RAD54B: variants seen among roughly 807,000 people sequenced by gnomAD.
The protein encoded by RAD54B is RAD54 homolog B, also known as DNA repair and recombination protein RAD54B.
RAD54B carries 78 observed loss-of-function variants against 95.8 expected under a neutral mutation model. That is an observed-to-expected ratio of 0.81 (90% confidence interval 0.68 to 0.98). The LOEUF is 0.98. Ranked by LOEUF, RAD54B falls within the 50% of genes least tolerant of loss-of-function variation. The pLI, the probability that RAD54B is intolerant of heterozygous loss-of-function variation, is 0.00. For missense variants in RAD54B, 957 were observed against 1,056.6 expected (o/e 0.91, Z 1.31); for synonymous variants, 328 against 354.9 (o/e 0.92, Z 0.85).
At chr8:94,465,076 A>G (rs1812992798) in intron 2 of RAD54B, among the ~76,000 whole-genome samples, 1 of 152,080 alleles carries the variant, frequency 6.6e-6, no homozygotes, top group African/African-American at 2.4e-5. Flanking sequence ...GTCACACTTC[A>G]ACATGAGATT....
At position 94,393,851 on chromosome 8, in the gene RAD54B, A is replaced by G; in HGVS notation, c.1410T>C (p.Phe470=). Residue 470 remains phenylalanine, a synonymous_variant, in exon 9 of 15, where the codon TTT becomes TTC. Transcript: ENST00000336148. ...GATTTACAAAATCAATTAATGCAAA[A>G]AATTCTTGCAGATCATTCTGAATTG... is the stretch of plus-strand genomic sequence containing the variant. ...GTPIQNDLQE[F]FALIDFVNPG... is the part of the protein sequence containing the mutation. The G allele has an allele frequency of 6.2e-7, 1 of 1,605,418 alleles. No homozygotes were observed. The highest frequency in any genetic ancestry group is 8.5e-7 in the Non-Finnish European group (1 of 1,174,506).
At chr8:94,390,372 C>T (rs180699200) in intron 10 of RAD54B, among the ~76,000 whole-genome samples, 252 of 150,772 alleles carry the variant, frequency 1.7e-3, no homozygotes, top group Admixed American at 2.8e-3. Flanking sequence ...TGGTGGCAGG[C>T]GCCTGTAATC....
At chr8:94,472,071 T>C (rs12682524) in intron 1 of RAD54B, among the ~76,000 whole-genome samples, 39,408 of 151,982 alleles carry the variant, frequency 0.26, 5,846 homozygotes, top group East Asian at 0.43. Flanking sequence ...AGCCTTTATA[T>C]AGTTTGAGGA....
intron 3 of RAD54B, among the ~76,000 whole-genome samples, chr8:94,421,949 A>G (rs1487703874): frequency 2.0e-5 from 3 of 152,232 alleles, no homozygotes; most frequent in Non-Finnish European, 2.9e-5. Context: ...CCTCTTGCTT[A>G]AAATCCATGA....
At chr8:94,461,309 A>G (rs1812898558) in intron 2 of RAD54B, among the ~76,000 whole-genome samples, 1 of 151,216 alleles carries the variant, frequency 6.6e-6, no homozygotes, top group Admixed American at 6.6e-5. Flanking sequence ...AGTAGCTGAG[A>G]TTACAGGCAT....
chr8:94,465,447 A>T (rs1233649498), intron 2 of RAD54B, among the ~76,000 whole-genome samples: 1 of 152,236 alleles, frequency 6.6e-6, no homozygotes, highest in Non-Finnish European at 1.5e-5. Flanking sequence ...AATCAGAACC[A>T]CAGTGAAATA....
intron 3 of RAD54B, chr8:94,436,383 CA>C: frequency 7.7e-7 from 1 of 1,306,462 alleles, no homozygotes; most frequent in African/African-American, 1.5e-5. Context: ...AGACACTATT[CA>C]TTGCTCCCGT....
intron 1 of RAD54B, among the ~76,000 whole-genome samples, chr8:94,468,195 C>G (rs1813076299): frequency 6.6e-6 from 1 of 152,144 alleles, no homozygotes; most frequent in Admixed American, 6.5e-5. Context: ...TGATTTATGA[C>G]TTTGCCTGTA....
chr8:94,374,129 A>C (rs1810508653), intron 14 of RAD54B, among the ~76,000 whole-genome samples: 1 of 152,168 alleles, frequency 6.6e-6, no homozygotes, highest in Non-Finnish European at 1.5e-5. Context: ...AACACAAAAA[A>C]TTAGCCAGAC....
At chr8:94,406,673 T>G (rs1469338112) in intron 5 of RAD54B, among the ~76,000 whole-genome samples, 1 of 152,184 alleles carries the variant, frequency 6.6e-6, no homozygotes. Context: ...TCCATAATAC[T>G]TGCAATGGGG....
chr8:94,454,786 G>A (rs991481831), intron 3 of RAD54B, among the ~76,000 whole-genome samples: 5 of 152,124 alleles, frequency 3.3e-5, no homozygotes, highest in South Asian at 2.1e-4. Context: ...TAGCACGAGC[G>A]TATACACTTT....
intron 5 of RAD54B, among the ~76,000 whole-genome samples, chr8:94,406,117 T>A (rs530562960): frequency 6.6e-6 from 1 of 151,854 alleles, no homozygotes; most frequent in South Asian, 2.1e-4. Context: ...TTTCATTCAC[T>A]CACTCAACAA....
At chr8:94,413,740 TA>T (rs1811583210) in intron 3 of RAD54B, among the ~76,000 whole-genome samples, 1 of 151,476 alleles carries the variant, frequency 6.6e-6, no homozygotes, top group African/African-American at 2.4e-5. Flanking sequence ...AAGATGCCAT[TA>T]AAAAAACAAA....
rs376357622 is a variant in RAD54B at position 94,458,314 on chromosome 8, A to G, written c.258T>C (p.Tyr86=). ...INNRDNCSGK[Y]CFEAPTLATL... is the part of the protein sequence containing the mutation. Reference sequence around the variant, plus strand: ...TTGCCAGTGTAGGTGCTTCAAAACAATATTTTCCACTGCAATTATCTCTGT... The same window carrying G: ...TTGCCAGTGTAGGTGCTTCAAAACAGTATTTTCCACTGCAATTATCTCTGT... The change falls in exon 3 of 15, where the codon TAT becomes TAC. Residue 86 remains tyrosine (Y), a synonymous_variant. Coordinates refer to ENST00000336148, the MANE Select transcript of RAD54B (RefSeq NM_012415.3). 1 of 1,609,952 alleles carries G rather than the reference A, an allele frequency of 6.2e-7. No individual in the cohort carries two copies. The highest frequency in any genetic ancestry group is 8.5e-7 in the Non-Finnish European group (1 of 1,178,652).
At chr8:94,422,605 AAAAAAAAAAAAAAT>A (rs1811835264) in intron 3 of RAD54B, among the ~76,000 whole-genome samples, 1 of 98,202 alleles carries the variant, frequency 1.0e-5, no homozygotes, top group African/African-American at 5.2e-5. Flanking sequence ...AAAAAAAAAA[AAAAAAAAAAAAAAT>A]ATATATATAT....
chr8:94,381,918 C>T (rs1810750184), intron 11 of RAD54B, among the ~76,000 whole-genome samples: 1 of 152,010 alleles, frequency 6.6e-6, no homozygotes, highest in Non-Finnish European at 1.5e-5. Flanking sequence ...TAGAGACCAT[C>T]CTGGCTAACA....
chr8:94,455,380 A>G (rs1478118443), intron 3 of RAD54B, among the ~76,000 whole-genome samples: 2 of 152,184 alleles, frequency 1.3e-5, no homozygotes, highest in Non-Finnish European at 2.9e-5. Context: ...TTAAATCTAT[A>G]TAGTTTGATT....
rs191357076 is a variant in RAD54B at position 94,397,922 on chromosome 8, T to C, written c.1378+1492A>G. ...CATTACTTTTCTGGCTCCAGTGATC[T>C]CAAGATCAAAGGCCAGTAAAGAAAT... On this transcript the variant is annotated intron_variant, in intron 8 of 14. Transcript: ENST00000336148. Among the ~76,000 whole-genome samples the C allele has an allele frequency of 2.6e-5, 4 of 152,130 alleles. No individual in the cohort carries two copies. In the East Asian group the frequency reaches 7.7e-4, roughly 29 times the overall value.
intron 3 of RAD54B, among the ~76,000 whole-genome samples, chr8:94,427,223 T>C (rs1811964423): frequency 6.6e-6 from 1 of 152,074 alleles, no homozygotes; most frequent in Admixed American, 6.5e-5. Context: ...TCAGGACTGA[T>C]ATGAGCGATA....
Sources: gnomAD v4.1 joint callset for allele counts (sites outside exome capture counted in the v4.1 genomes callset) on GRCh38, gnomAD v4.1.1 for gene constraint, MANE v1.5 for transcripts, NCBI Gene and HGNC (gene_info 2026-07-23, HGNC 2026-07-21) for gene names.